Variants in SUSD1 observed in about 807,000 individuals in gnomAD.
The protein encoded by SUSD1 is sushi domain-containing protein 1.
In SUSD1, 65 loss-of-function variants were observed where a neutral mutation model predicts 86.9. The observed-to-expected ratio is 0.75, with a 90% CI of 0.61 to 0.92. The LOEUF is 0.92. Ranked by LOEUF, SUSD1 falls within the 40% of genes least tolerant of loss-of-function variation. The pLI is 0.00. For missense variants in SUSD1, 850 were observed against 929.7 expected, an observed-to-expected ratio of 0.91 and a Z score of 1.11; for synonymous variants, 346 against 350.0, an observed-to-expected ratio of 0.99 and a Z score of 0.13.
chr9:112,137,263 G>GGGAGGAGGAGGA (rs145497301), intron 5 of SUSD1, among the ~76,000 whole-genome samples: 1 of 151,630 alleles, frequency 6.6e-6, no homozygotes, highest in African/African-American at 2.4e-5. Context: ...AGTGACACAG[G>GGGAGGAGGAGGA]GGAGGAGGAG....
At chr9:112,072,515 T>G (rs1052526239) in intron 12 of SUSD1, among the ~76,000 whole-genome samples, 1 of 152,002 alleles carries the variant, frequency 6.6e-6, no homozygotes, top group African/African-American at 2.4e-5. Flanking sequence ...AGCAAGCCCC[T>G]CCCCCTCTCC....
intron 13 of SUSD1, among the ~76,000 whole-genome samples, chr9:112,061,749 A>T (rs1408127581): frequency 2.6e-5 from 4 of 152,210 alleles, no homozygotes; most frequent in Admixed American, 2.6e-4. Flanking sequence ...CCTAAGTTTT[A>T]TTATAAATGG....
At chr9:112,118,889 AT>A (rs1418194495) in intron 6 of SUSD1, among the ~76,000 whole-genome samples, 1 of 152,236 alleles carries the variant, frequency 6.6e-6, no homozygotes, top group African/African-American at 2.4e-5. Flanking sequence ...TCCTTAATAA[AT>A]TTGAATTATA....
intron 15 of SUSD1, among the ~76,000 whole-genome samples, chr9:112,048,402 T>C (rs1213258830): frequency 1.3e-5 from 2 of 152,224 alleles, no homozygotes; most frequent in African/African-American, 4.8e-5. Flanking sequence ...TATACACATA[T>C]ATGTACATAT....
At chr9:112,071,834 T>C (rs1010810730) in intron 12 of SUSD1, among the ~76,000 whole-genome samples, 1 of 152,188 alleles carries the variant, frequency 6.6e-6, no homozygotes, top group Admixed American at 6.5e-5. Flanking sequence ...TGATGGTTCT[T>C]TTCTAATCCT....
chr9:112,143,894 G>C (rs1832694164), intron 3 of SUSD1, among the ~76,000 whole-genome samples: 1 of 152,026 alleles, frequency 6.6e-6, no homozygotes, highest in African/African-American at 2.4e-5. Context: ...ACCATCACCG[G>C]CTCCCTGACA....
chr9:112,142,176 A>T (rs1036921319), intron 5 of SUSD1, 144 bp downstream of exon 5: 108 of 652,936 alleles, frequency 1.7e-4, no homozygotes, highest in Non-Finnish European at 1.8e-4. Flanking sequence ...AATCAAGAAA[A>T]TCACCTGAAA....
At chr9:112,071,692 A>G (rs1829277570) in intron 12 of SUSD1, among the ~76,000 whole-genome samples, 1 of 152,204 alleles carries the variant, frequency 6.6e-6, no homozygotes, top group African/African-American at 2.4e-5. Flanking sequence ...AACGTCTCCA[A>G]CTTTGTACTG....
rs147546724 is a variant in SUSD1 at position 112,092,221 on chromosome 9, T to C, written c.1474+6249A>G. On this transcript the variant is annotated intron_variant, in intron 10 of 16. Transcript: ENST00000374270. The stretch of plus-strand genomic sequence containing the variant: ...CCAAATAATCTAAATAACCTAATCC[T>C]ACCCCTGAATCAAGCCAGATCAGCA... Among the ~76,000 whole-genome samples the C allele has an allele frequency of 8.5e-3, 1,289 of 152,326 alleles. 24 individuals are homozygous for C. Among genetic ancestry groups the C allele is most frequent in the Non-Finnish European group, 6.6e-3 (448 of 68,030 alleles).
chr9:112,170,535 T>A (rs562698046), intron 1 of SUSD1, among the ~76,000 whole-genome samples: 1 of 152,088 alleles, frequency 6.6e-6, no homozygotes, highest in South Asian at 2.1e-4. Context: ...TCCTGCCATA[T>A]CAATTACGCG....
At chr9:112,146,792 C>T (rs934305970) in intron 3 of SUSD1, among the ~76,000 whole-genome samples, 4 of 152,152 alleles carry the variant, frequency 2.6e-5, no homozygotes, top group African/African-American at 9.7e-5. Flanking sequence ...CAAGCCACCA[C>T]ATCCAGCTAA....
At chr9:112,072,583 A>G (rs1473419555) in intron 12 of SUSD1, among the ~76,000 whole-genome samples, 2 of 152,122 alleles carry the variant, frequency 1.3e-5, no homozygotes, top group Admixed American at 1.3e-4. Flanking sequence ...CTTCTCATGC[A>G]CGTTTTATAA....
At chr9:112,093,024 C>A (rs1000970740) in intron 10 of SUSD1, among the ~76,000 whole-genome samples, 1 of 152,030 alleles carries the variant, frequency 6.6e-6, no homozygotes, top group African/African-American at 2.4e-5. Flanking sequence ...TTTGAAGGAA[C>A]CTAAAAGTAA....
intron 11 of SUSD1, among the ~76,000 whole-genome samples, chr9:112,079,118 C>T (rs562761171): frequency 9.2e-5 from 14 of 151,888 alleles, no homozygotes; most frequent in Admixed American, 5.9e-4. Flanking sequence ...AGCCCCTTCC[C>T]GTTTTCATGA....
intron 12 of SUSD1, among the ~76,000 whole-genome samples, chr9:112,077,664 C>G (rs954264659): frequency 6.6e-6 from 1 of 151,652 alleles, no homozygotes; most frequent in Non-Finnish European, 1.5e-5. Context: ...GACACCACAC[C>G]CAGCTAATTT....
chr9:112,103,214 C>A, intron 8 of SUSD1: 1 of 434,514 alleles, frequency 2.3e-6, no homozygotes, highest in Non-Finnish European at 4.6e-6. Flanking sequence ...CAGAATTGTC[C>A]ACAGCATTTT....
intron 5 of SUSD1, among the ~76,000 whole-genome samples, chr9:112,135,973 T>C (rs1458425838): frequency 6.6e-6 from 1 of 152,250 alleles, no homozygotes; most frequent in African/African-American, 2.4e-5. Context: ...CGGGTCTTTC[T>C]GAGCCAAAAG....
At chr9:112,134,265 T>C (rs1035823643) in intron 5 of SUSD1, among the ~76,000 whole-genome samples, 29 of 152,220 alleles carry the variant, frequency 1.9e-4, no homozygotes, top group African/African-American at 5.3e-4. Flanking sequence ...CATGCACTTA[T>C]ATGTTCATCG....
chr9:112,064,964 G>A (rs916628326), intron 12 of SUSD1, among the ~76,000 whole-genome samples: 3 of 151,636 alleles, frequency 2.0e-5, no homozygotes, highest in Non-Finnish European at 2.9e-5. Context: ...TAACGCTTAT[G>A]TATCTTCTTC....
Sources: gnomAD v4.1 joint callset for allele counts (sites outside exome capture counted in the v4.1 genomes callset) on GRCh38, gnomAD v4.1.1 for gene constraint, MANE v1.5 for transcripts, NCBI Gene and HGNC (gene_info 2026-07-23, HGNC 2026-07-21) for gene names.